Variants in MUC7 observed in about 807,000 individuals in gnomAD.
MUC7 encodes the protein mucin 7, secreted, also known as mucin-7.
MUC7 carries 2 observed loss-of-function variants against 2.5 expected under a neutral mutation model. The ratio of observed to expected loss-of-function variants is 0.81; its 90% CI spans 0.33 to 2.55. MUC7 has a LOEUF of 2.55. Ranked by LOEUF, MUC7 falls within the 30% of genes most tolerant of loss-of-function variation. MUC7 has a pLI of 0.11. For synonymous variants in MUC7, 133 were observed against 173.4 expected, an observed-to-expected ratio of 0.77 and a Z score of 1.83; for missense variants, 408 against 455.6, an observed-to-expected ratio of 0.90 and a Z score of 0.95.
chr4:70,449,690 C>A (rs1162146852), intron 1 of MUC7, among the ~76,000 whole-genome samples: 1 of 152,180 alleles, frequency 6.6e-6, no homozygotes, highest in Non-Finnish European at 1.5e-5. Context: ...GCTGTGGTTC[C>A]TGTGGGCTCA....
chr4:70,462,466 C>T (rs563864714), intron 1 of MUC7, among the ~76,000 whole-genome samples: 136 of 152,110 alleles, frequency 8.9e-4, no homozygotes, highest in African/African-American at 2.9e-3. Context: ...ATATTTTCTT[C>T]TAGTAATTGT....
In MUC7 at chr4:70,450,881, C is replaced by G. The variant is rs530513244; in HGVS notation, c.-93+20194C>G. On this transcript the variant is annotated intron_variant, in intron 1 of 3. Coordinates refer to the MUC7 transcript ENST00000413702. ...CTCCTTAAATGGTAAGAAGGGGTCTCTTTTCGAGCCATGAGATATGCAGCC... is the reference window on the plus strand; with the variant it reads ...CTCCTTAAATGGTAAGAAGGGGTCTGTTTTCGAGCCATGAGATATGCAGCC... Among the ~76,000 whole-genome samples the G allele has an allele frequency of 1.8e-4, 28 of 152,234 alleles. 1 individual carries two copies. The South Asian group carries it at 5.0e-3, about 27-fold the overall frequency.
rs115690560 is a variant in MUC7 at position 70,480,054 on chromosome 4, C to G, written c.55-745C>G. On this transcript the variant is annotated intron_variant, in intron 2 of 2. Transcript: ENST00000304887. ...TATCAGATGTACAGTTGGACTGGAT[C>G]AGTGTTCTTTTCAGATGTAAACACC... Among the ~76,000 whole-genome samples, 472 of 152,296 alleles carry G rather than the reference C, an allele frequency of 3.1e-3. 7 individuals are homozygous for G. The highest frequency in any genetic ancestry group is 0.011 in the African/African-American group (455 of 41,562).
rs1272458341 is a variant in MUC7 at position 70,443,275 on chromosome 4, G to A, written c.-93+12588G>A. On this transcript the variant is annotated intron_variant, in intron 1 of 3. Coordinates refer to the MUC7 transcript ENST00000413702. ...CTCAGACAAAAAGATCTAGGCAACA[G>A]GGAAATAAATATGTAAAAGAACAAC... 2.0e-5 allele frequency among the ~76,000 whole-genome samples: 3 copies of A among 149,674 alleles called. 1 individual carries two copies. The highest frequency in any genetic ancestry group is 4.2e-4 in the South Asian group (2 of 4,732).
intron 1 of MUC7, among the ~76,000 whole-genome samples, chr4:70,437,933 A>G (rs575421496): frequency 1.3e-5 from 2 of 152,328 alleles, no homozygotes; most frequent in South Asian, 4.1e-4. Flanking sequence ...TGAAGAAAAT[A>G]GAGTTTGAGC....
At chr4:70,463,119 C>T (rs975256961) in intron 1 of MUC7, among the ~76,000 whole-genome samples, 5 of 152,276 alleles carry the variant, frequency 3.3e-5, no homozygotes, top group Admixed American at 3.3e-4. Flanking sequence ...CATAGACCCT[C>T]TCTCTGCAAA....
At position 70,437,450 on chromosome 4, in the gene MUC7, C is replaced by T. The variant is rs188905608; in HGVS notation, c.-93+6763C>T. The stretch of plus-strand genomic sequence containing the variant: ...ATGGCAAATGCCCCTCCCCCCGCCA[C>T]GCTGTAGCGTCCCAGGTCGATCTCA... On this transcript the variant is annotated intron_variant, in intron 1 of 3. Coordinates refer to the MUC7 transcript ENST00000413702. 5.3e-5 allele frequency among the ~76,000 whole-genome samples: 8 copies of T among 152,364 alleles called. No individual in the cohort carries two copies. In the East Asian group the frequency reaches 7.7e-4, roughly 15 times the overall value.
At position 70,437,243 on chromosome 4, in the gene MUC7, G is replaced by A. The variant is rs374738911; in HGVS notation, c.-93+6556G>A. 1.9e-3 allele frequency among the ~76,000 whole-genome samples: 282 copies of A among 152,312 alleles called. 1 individual carries two copies. The highest frequency in any genetic ancestry group is 6.3e-3 in the African/African-American group (263 of 41,576). ...ACCACTGCTCTCTTCAGAGCTGTCA[G>A]GCAGGGACGTTTAAGTCTGCAGAAG... On this transcript the variant is annotated intron_variant, in intron 1 of 3. Coordinates refer to the MUC7 transcript ENST00000413702.
chr4:70,446,554 T>G (rs564857152), intron 1 of MUC7, among the ~76,000 whole-genome samples: 1 of 152,332 alleles, frequency 6.6e-6, no homozygotes, highest in African/African-American at 2.4e-5. Flanking sequence ...AGGACAGTAG[T>G]TATATTGGAT....
At chr4:70,450,708 C>T (rs1734258237) in intron 1 of MUC7, among the ~76,000 whole-genome samples, 2 of 152,070 alleles carry the variant, frequency 1.3e-5, no homozygotes, top group African/African-American at 2.4e-5. Context: ...GCAGCAGGTT[C>T]CCTTCTGGCC....
At chr4:70,438,282 A>AT (rs912555867) in intron 1 of MUC7, among the ~76,000 whole-genome samples, 1 of 152,194 alleles carries the variant, frequency 6.6e-6, no homozygotes, top group African/African-American at 2.4e-5. Flanking sequence ...AATAAACTGC[A>AT]TTTGTTTTTT....
chr4:70,452,333 T>C (rs1311815277), intron 1 of MUC7, among the ~76,000 whole-genome samples: 3 of 152,204 alleles, frequency 2.0e-5, no homozygotes, highest in African/African-American at 7.2e-5. Context: ...CTTCTTCCTT[T>C]ACTTCCTTCC....
At position 70,481,998 on chromosome 4, in the gene MUC7, T is replaced by A; in HGVS notation, c.*120T>A. The A allele has an allele frequency of 1.7e-6, 2 of 1,199,790 alleles. No individual in the cohort carries two copies. The highest frequency in any genetic ancestry group is 2.3e-6 in the Non-Finnish European group (2 of 870,864). 74.3% of individuals were successfully genotyped at this position (1,199,790 alleles called of 1,614,324 possible). On this transcript the variant is annotated 3_prime_UTR_variant, in exon 3 of 3. Transcript: ENST00000304887. ...ATTATATTACTCAGATTTAAAGCACTATCATTAATCTTTCAATCTAATTAT... is the reference window on the plus strand; with the variant it reads ...ATTATATTACTCAGATTTAAAGCACAATCATTAATCTTTCAATCTAATTAT...
intron 1 of MUC7, among the ~76,000 whole-genome samples, chr4:70,460,952 C>T (rs557730974): frequency 6.6e-6 from 1 of 152,340 alleles, no homozygotes; most frequent in East Asian, 1.9e-4. Flanking sequence ...CTCCAGATCA[C>T]TGCGTATGCT....
intron 1 of MUC7, among the ~76,000 whole-genome samples, chr4:70,450,379 C>T (rs1734251438): frequency 1.3e-5 from 2 of 152,210 alleles, no homozygotes; most frequent in South Asian, 4.1e-4. Flanking sequence ...AGAAGAAATG[C>T]CATCCAAGAG....
intron 1 of MUC7, among the ~76,000 whole-genome samples, chr4:70,435,005 A>C (rs1358710958): frequency 6.6e-6 from 1 of 152,068 alleles, no homozygotes; most frequent in African/African-American, 2.4e-5. Context: ...GTTTCCATGT[A>C]GTTGTGCGGT....
chr4:70,470,545 C>T (rs1734811418), upstream of MUC7, among the ~76,000 whole-genome samples: 2 of 151,936 alleles, frequency 1.3e-5, no homozygotes, highest in African/African-American at 2.4e-5. Flanking sequence ...TTGTTATCTC[C>T]AGGCATTATT....
rs145784161 is a variant in MUC7 at position 70,458,853 on chromosome 4, T to C, written c.-92-13362T>C. On this transcript the variant is annotated intron_variant, in intron 1 of 3. Transcript: ENST00000413702. ...AGTTATTAACAGAAAAAAAGAAAAA[T>C]TGTTCAGAAAAATATCACATAAAGA... is the stretch of plus-strand genomic sequence containing the variant. 5.4e-3 allele frequency among the ~76,000 whole-genome samples: 826 copies of C among 151,922 alleles called. 10 individuals are homozygous for C. The highest frequency in any genetic ancestry group is 0.019 in the African/African-American group (786 of 41,474).
intron 1 of MUC7, among the ~76,000 whole-genome samples, chr4:70,473,766 A>T (rs1053860144): frequency 2.0e-5 from 3 of 152,164 alleles, no homozygotes; most frequent in Admixed American, 2.0e-4. Flanking sequence ...GAAAATGCTC[A>T]TTTTGCAAAC....
Sources: gnomAD v4.1 joint callset for allele counts (sites outside exome capture counted in the v4.1 genomes callset) on GRCh38, gnomAD v4.1.1 for gene constraint, MANE v1.5 for transcripts, NCBI Gene and HGNC (gene_info 2026-07-23, HGNC 2026-07-21) for gene names.